GALNT13: variants seen among roughly 807,000 people sequenced by gnomAD.
The protein encoded by GALNT13 is UDP-GalNAc:polypeptide N-acetylgalactosaminyltransferase 13.
Under a neutral mutation model 64.2 loss-of-function variants are expected in GALNT13, and 28 were observed. The ratio of observed to expected loss-of-function variants is 0.44; its 90% CI spans 0.32 to 0.60. GALNT13 has a LOEUF of 0.60. Among genes scored for constraint, GALNT13 ranks in the 20% least tolerant of loss-of-function variants. GALNT13 has a pLI of 0.05. For missense variants in GALNT13, 577 were observed against 669.8 expected, an observed-to-expected ratio of 0.86 and a Z score of 1.53; for synonymous variants, 214 against 224.6, an observed-to-expected ratio of 0.95 and a Z score of 0.42.
chr2:154,187,645 C>T (rs2105746355), intron 4 of GALNT13, among the ~76,000 whole-genome samples: 1 of 152,092 alleles, frequency 6.6e-6, no homozygotes, highest in South Asian at 2.1e-4. Flanking sequence ...AAGTTATAGG[C>T]ATTCTAGGAA....
In GALNT13 at chr2:154,118,980, C is replaced by G. The variant is rs559225897; in HGVS notation, c.143-21357C>G. Among the ~76,000 whole-genome samples, 7 of 152,182 alleles carry G rather than the reference C, an allele frequency of 4.6e-5. No homozygotes were observed. In the South Asian group the frequency reaches 1.2e-3, roughly 27 times the overall value. Reference sequence around the variant, plus strand: ...CTAGGAATAAAATTGCATTACACACCTTACACACACATCATTAAAATCCTA... The same window carrying G: ...CTAGGAATAAAATTGCATTACACACGTTACACACACATCATTAAAATCCTA... On this transcript the variant is annotated intron_variant, in intron 3 of 12. Transcript: ENST00000392825.
chr2:153,706,002 A>ATT, the GALNT13 span, among the ~76,000 whole-genome samples: 1 of 151,498 alleles, frequency 6.6e-6, no homozygotes, highest in African/African-American at 2.4e-5. Context: ...ATATATATAT[A>ATT]TTTTCTTTTT....
At chr2:154,047,859 G>A (rs951988482) in intron 3 of GALNT13, among the ~76,000 whole-genome samples, 2 of 152,142 alleles carry the variant, frequency 1.3e-5, no homozygotes, top group Admixed American at 1.3e-4. Context: ...GAGTTTAACA[G>A]CGTCTATAAA....
chr2:154,315,604 G>A (rs893964759), intron 9 of GALNT13, among the ~76,000 whole-genome samples: 2 of 152,082 alleles, frequency 1.3e-5, no homozygotes, highest in East Asian at 1.9e-4. Flanking sequence ...TACATGATTC[G>A]TTAACACATC....
At chr2:154,446,698 C>T in intron 12 of GALNT13, 1 of 1,547,438 alleles carries the variant, frequency 6.5e-7, no homozygotes, top group Non-Finnish European at 8.7e-7. Flanking sequence ...AGAAACTATA[C>T]AAGAATGGAA....
chr2:154,365,542 C>G (rs2105296618), intron 9 of GALNT13, among the ~76,000 whole-genome samples: 2 of 152,058 alleles, frequency 1.3e-5, no homozygotes, highest in East Asian at 3.9e-4. Context: ...GGTAAGTATT[C>G]CCAATAAAAT....
At chr2:153,219,140 A>G in the GALNT13 span, among the ~76,000 whole-genome samples, 1 of 152,242 alleles carries the variant, frequency 6.6e-6, no homozygotes, top group Non-Finnish European at 1.5e-5. Flanking sequence ...GCCTCAAAGC[A>G]TCCAATTCAT....
chr2:154,173,536 G>C (rs530623120), intron 4 of GALNT13, among the ~76,000 whole-genome samples: 1 of 151,810 alleles, frequency 6.6e-6, no homozygotes, highest in African/African-American at 2.4e-5. Flanking sequence ...AGTAACCAAA[G>C]AAAAATAGAC....
the GALNT13 span, among the ~76,000 whole-genome samples, chr2:153,819,183 A>C: frequency 4.6e-5 from 7 of 152,194 alleles, no homozygotes; most frequent in African/African-American, 1.7e-4. Flanking sequence ...CCCTCTTTAA[A>C]GAAGCAGCAG....
chr2:154,421,538 G>A (rs2105424941), intron 11 of GALNT13, among the ~76,000 whole-genome samples: 1 of 151,954 alleles, frequency 6.6e-6, no homozygotes, highest in South Asian at 2.1e-4. Flanking sequence ...AAAAGGAATT[G>A]GATCTGAGAT....
intron 2 of GALNT13, among the ~76,000 whole-genome samples, chr2:153,904,753 A>T (rs1688445157): frequency 6.6e-6 from 1 of 151,820 alleles, no homozygotes; most frequent in African/African-American, 2.4e-5. Context: ...TCAATTTCTT[A>T]ATGAGGTTTT....
At chr2:153,918,038 A>G (rs1689509979) in intron 2 of GALNT13, among the ~76,000 whole-genome samples, 1 of 152,066 alleles carries the variant, frequency 6.6e-6, no homozygotes, top group African/African-American at 2.4e-5. Flanking sequence ...GGCAAGATGT[A>G]TCATCATTAC....
At chr2:153,916,140 C>CTTCCTTCT (rs1689327402) in intron 2 of GALNT13, among the ~76,000 whole-genome samples, 1 of 139,508 alleles carries the variant, frequency 7.2e-6, no homozygotes, top group Admixed American at 7.3e-5. Flanking sequence ...TCCTTCCTTC[C>CTTCCTTCT]TTCCTTCCTT....
chr2:154,176,094 A>G (rs1685631138), intron 4 of GALNT13, among the ~76,000 whole-genome samples: 1 of 152,102 alleles, frequency 6.6e-6, no homozygotes. Context: ...ACTATGCTAC[A>G]TAGATCAAAT....
chr2:153,327,095 AAAAAAATAAATAAAT>A, the GALNT13 span, among the ~76,000 whole-genome samples: 1 of 151,386 alleles, frequency 6.6e-6, no homozygotes, highest in East Asian at 2.3e-4. Flanking sequence ...AAAAATAAAA[AAAAAAATAAATAAAT>A]AAAAGTTGAA....
At chr2:153,266,130 G>T in the GALNT13 span, among the ~76,000 whole-genome samples, 1 of 152,084 alleles carries the variant, frequency 6.6e-6, no homozygotes, top group Admixed American at 6.5e-5. Flanking sequence ...TCACTTTATG[G>T]TTGTAGTCCG....
At chr2:153,402,722 G>C in the GALNT13 span, among the ~76,000 whole-genome samples, 2 of 151,888 alleles carry the variant, frequency 1.3e-5, no homozygotes, top group African/African-American at 4.8e-5. Flanking sequence ...GATCGCATTG[G>C]CTCCTGAGGC....
At chr2:154,456,017 G>T (rs1702027802), downstream of GALNT13, among the ~76,000 whole-genome samples, 1 of 152,104 alleles carries the variant, frequency 6.6e-6, no homozygotes, top group Admixed American at 6.6e-5. Flanking sequence ...TTTTAAAAAT[G>T]AGATTTTCAT....
intron 9 of GALNT13, among the ~76,000 whole-genome samples, chr2:154,392,746 T>A (rs533638170): frequency 3.9e-4 from 59 of 152,274 alleles, no homozygotes; most frequent in Non-Finnish European, 6.9e-4. Context: ...AGTAACATGA[T>A]TTGATTTGTA....
Sources: allele counts gnomAD v4.1 joint callset (sites outside exome capture counted in the v4.1 genomes callset), GRCh38; gene constraint gnomAD v4.1.1; transcripts MANE v1.5; gene names NCBI Gene and HGNC (gene_info 2026-07-23, HGNC 2026-07-21).